IFT172: variants seen among roughly 807,000 people sequenced by gnomAD.
IFT172 encodes intraflagellar transport 172, also known as intraflagellar transport protein 172 homolog.
Under a neutral mutation model 248.9 loss-of-function variants are expected in IFT172, and 164 were observed. The ratio of observed to expected loss-of-function variants is 0.66; its 90% CI spans 0.58 to 0.75. IFT172 has a LOEUF of 0.75. IFT172 is among the 30% of genes least tolerant of loss of function. The pLI is 0.00. For missense variants in IFT172, 1,950 were observed against 2,192.4 expected (o/e 0.89, Z 2.21); for synonymous variants, 729 against 791.6 (o/e 0.92, Z 1.33).
At chr2:27,456,969 C>T (rs569224361) in intron 29 of IFT172, among the ~76,000 whole-genome samples, 14 of 152,150 alleles carry the variant, frequency 9.2e-5, no homozygotes, top group South Asian at 2.1e-4. Flanking sequence ...TGCTTGAACC[C>T]GGGAGGTGGA....
In IFT172 at chr2:27,462,722, A is replaced by G. The variant is rs934603619; in HGVS notation, c.2094T>C (p.Ala698=). 5 of 1,613,572 alleles carry G rather than the reference A, an allele frequency of 3.1e-6. No individual in the cohort carries two copies. Among genetic ancestry groups the G allele is most frequent in the African/African-American group, 2.7e-5 (2 of 74,792 alleles). The part of the protein sequence containing the change: ...LAMLEKNYKL[A]EMIFLEQNAV... ...TTACCTGTTCCAAAAAGATCATTTC[A>G]GCCAGTTTGTAGTTCTTTTCCAGCA... Residue 698 remains alanine (A), a synonymous_variant, in exon 20 of 48, where the codon GCT becomes GCC. Transcript: ENST00000260570.
At chr2:27,457,108 G>A (rs2148495597) in intron 29 of IFT172, among the ~76,000 whole-genome samples, 1 of 152,252 alleles carries the variant, frequency 6.6e-6, no homozygotes, top group Non-Finnish European at 1.5e-5. Flanking sequence ...TCTTAACTTA[G>A]GTTAAAGTAC....
At chr2:27,469,786 G>A (rs1002266367) in intron 16 of IFT172, among the ~76,000 whole-genome samples, 2 of 151,896 alleles carry the variant, frequency 1.3e-5, no homozygotes, top group Non-Finnish European at 2.9e-5. Flanking sequence ...GAGCCGAGAT[G>A]ACGCCACTGC....
Position 27,457,646 on chromosome 2 carries a change from G to T in IFT172, c.3221C>A (p.Ala1074Asp). ...MYRASGLWEE[A>D]YRVARTQGGA... Reference sequence around the variant, plus strand: ...GTGGCCTGAACTCCTTACCCTGTAGGCCTCTTCCCAAAGCCCACTGGCCCG... The same window carrying T: ...GTGGCCTGAACTCCTTACCCTGTAGTCCTCTTCCCAAAGCCCACTGGCCCG... Residue 1074 changes from alanine (A) to aspartate (D), a missense_variant, in exon 29 of 48, where the codon GCC becomes GAC. By Grantham distance (126) the Ala-to-Asp change is moderately radical. Coordinates refer to ENST00000260570, the MANE Select transcript of IFT172 (RefSeq NM_015662.3). 1 of 1,613,514 alleles carries T rather than the reference G, an allele frequency of 6.2e-7. No individual in the cohort carries two copies. The highest frequency in any genetic ancestry group is 8.5e-7 in the Non-Finnish European group (1 of 1,179,550).
intron 16 of IFT172, among the ~76,000 whole-genome samples, chr2:27,468,810 C>T (rs1312147094): frequency 1.2e-4 from 17 of 147,798 alleles, no homozygotes; most frequent in Non-Finnish European, 2.1e-4. Flanking sequence ...GATCACGCCA[C>T]TGCACTCCAG....
chr2:27,483,253 G>T, intron 7 of IFT172, 36 bp downstream of exon 7: 1 of 1,222,990 alleles, frequency 8.2e-7, no homozygotes, highest in Non-Finnish European at 1.2e-6. Context: ...CTGGACTCAA[G>T]CAATCCAAGC....
intron 16 of IFT172, among the ~76,000 whole-genome samples, chr2:27,467,276 C>T (rs1667151487): frequency 6.6e-6 from 1 of 151,344 alleles, no homozygotes. Context: ...AACAGATCTA[C>T]AGAAATTATC....
At chr2:27,472,749 G>T (rs1265907505) in intron 14 of IFT172, among the ~76,000 whole-genome samples, 1 of 152,228 alleles carries the variant, frequency 6.6e-6, no homozygotes, top group Non-Finnish European at 1.5e-5. Flanking sequence ...CTGTGTAAGA[G>T]CACTGCAAGG....
intron 35 of IFT172, chr2:27,453,176 C>CT: frequency 1.4e-6 from 1 of 724,024 alleles, no homozygotes; most frequent in Non-Finnish European, 2.5e-6. Flanking sequence ...ATTCCCCTAA[C>CT]TTTTGGCTGT....
rs1666485647 is a variant in IFT172, at chr2:27,459,721, T to C, written c.2630A>G (p.Tyr877Cys). The change falls in exon 24 of 48, where the codon TAC (tyrosine) becomes TGC (cysteine). Residue 877 changes from tyrosine (Y) to cysteine (C), a missense_variant. Transcript: ENST00000260570. ...CATACTCCCATACCTGGCTTCGATG[T>C]AGTGATTAATGGCTGCATCAAGCTG... ...QKQLDAAINH[Y>C]IEARCSIKAI... 2 of 1,612,552 alleles carry C rather than the reference T, an allele frequency of 1.2e-6. No individual in the cohort carries two copies. The highest frequency in any genetic ancestry group is 1.1e-5 in the South Asian group (1 of 91,082).
chr2:27,457,224 C>T lies in IFT172; in HGVS notation c.3228+415G>A, dbSNP rs186062761. ...TGGTTCTGGCAAGAGAGACTCTGAT[C>T]TTCACTACATTTTCAAAGATGCTCT... is the stretch of plus-strand genomic sequence containing the variant. On this transcript the variant is annotated intron_variant, in intron 29 of 47. Transcript: ENST00000260570. Among the ~76,000 whole-genome samples, 5 of 152,208 alleles carry T rather than the reference C, an allele frequency of 3.3e-5. No individual in the cohort carries two copies. In the East Asian group the frequency reaches 9.7e-4, roughly 29 times the overall value.
At chr2:27,458,340 T>G (rs1666343567) in intron 26 of IFT172, 117 bp from the exon 27 acceptor site, 1 of 814,350 alleles carries the variant, frequency 1.2e-6, no homozygotes, top group African/African-American at 1.7e-5. Context: ...GGAGTTTGGG[T>G]ATTGCCACTC....
At chr2:27,477,945 T>G in intron 11 of IFT172, 50 bp downstream of exon 11, 1 of 1,607,246 alleles carries the variant, frequency 6.2e-7, no homozygotes, top group Non-Finnish European at 8.5e-7. Flanking sequence ...CCCACAAATA[T>G]TAAGCCAAGA....
chr2:27,485,727 A>G (rs1222041930), intron 1 of IFT172, among the ~76,000 whole-genome samples: 1 of 152,236 alleles, frequency 6.6e-6, no homozygotes, highest in Non-Finnish European at 1.5e-5. Context: ...ATGCACTAAG[A>G]GGCAGGGTGC....
chr2:27,486,793 A>T (rs555136968), intron 1 of IFT172, among the ~76,000 whole-genome samples: 1 of 152,354 alleles, frequency 6.6e-6, no homozygotes, highest in Admixed American at 6.5e-5. Flanking sequence ...GAGAGACTGA[A>T]GGAGGATTTC....
At position 27,483,601 on chromosome 2, in the gene IFT172, T is replaced by C. The variant is rs763070687; in HGVS notation, c.461A>G (p.Tyr154Cys). The change falls in exon 6 of 48, where the codon TAC becomes TGC. Residue 154 changes from tyrosine to cysteine, a missense_variant. By Grantham distance (194) the Tyr-to-Cys change is radical. Transcript: ENST00000260570. ...TCACTTTGTTGTCAGGGACACCACG[T>C]AAGACTCTGTCCCATAGATGGTAGA... ...KSSTIYGTES[Y>C]VVSLTTNCSG... 1 of 1,614,164 alleles carries C rather than the reference T, an allele frequency of 6.2e-7. No individual in the cohort carries two copies. The highest frequency in any genetic ancestry group is 1.1e-5 in the South Asian group (1 of 91,066).
intron 41 of IFT172, 30 bp from the exon 42 acceptor site, chr2:27,447,664 C>A: frequency 6.2e-7 from 1 of 1,613,924 alleles, no homozygotes; most frequent in Non-Finnish European, 8.5e-7. Flanking sequence ...CAGCCTGGCT[C>A]AGGGGTCAGA....
chr2:27,459,350 C>T (rs772147769), intron 25 of IFT172, 28 bp downstream of exon 25: 20 of 1,612,368 alleles, frequency 1.2e-5, no homozygotes, highest in Middle Eastern at 1.7e-4. Context: ...TGCATTGCCT[C>T]GTGCTGCGGA....
intron 14 of IFT172, among the ~76,000 whole-genome samples, chr2:27,473,275 C>T (rs1276223557): frequency 1.5e-5 from 2 of 134,212 alleles, no homozygotes; most frequent in Admixed American, 1.6e-4. Flanking sequence ...GAGGCTGAGG[C>T]GGGAGAATGG....
Sources: gnomAD v4.1 joint callset for allele counts (sites outside exome capture counted in the v4.1 genomes callset) on GRCh38, gnomAD v4.1.1 for gene constraint, MANE v1.5 for transcripts, NCBI Gene and HGNC (gene_info 2026-07-23, HGNC 2026-07-21) for gene names.